Variants in PTPRG observed in about 807,000 individuals in gnomAD.
PTPRG encodes protein tyrosine phosphatase receptor type G, also known as receptor-type tyrosine-protein phosphatase gamma.
PTPRG carries 102 observed loss-of-function variants against 165.3 expected under a neutral mutation model. The observed-to-expected ratio is 0.62, with a 90% CI of 0.53 to 0.73. The LOEUF is 0.73. Among genes scored for constraint, PTPRG ranks in the 30% least tolerant of loss-of-function variants. The pLI is 0.00. For synonymous variants in PTPRG, 675 were observed against 669.5 expected (o/e 1.01, Z -0.13); for missense variants, 1,866 against 1,861.4 (o/e 1.00, Z -0.05).
intron 2 of PTPRG, among the ~76,000 whole-genome samples, chr3:61,877,454 G>T (rs2037774073): frequency 6.6e-6 from 1 of 152,132 alleles, no homozygotes; most frequent in South Asian, 2.1e-4. Flanking sequence ...CCACAAAGGT[G>T]CCTACATGTG....
At chr3:61,797,408 A>G (rs1470620462) in intron 2 of PTPRG, among the ~76,000 whole-genome samples, 5 of 152,108 alleles carry the variant, frequency 3.3e-5, no homozygotes, top group African/African-American at 1.2e-4. Flanking sequence ...TGGGAGCCGC[A>G]TTGGTCTTAG....
chr3:62,252,286 T>C lies in PTPRG; in HGVS notation c.2468-2838T>C, dbSNP rs1445003128. ...ACCATCTCCCTAATATCTGGCTGAA[T>C]ACTAGGTGCTCAGAAACGGCTTCAT... On this transcript the variant is annotated intron_variant, in intron 15 of 29. Transcript: ENST00000474889. This position sits in a 1 kb window ranked among gnomAD's most constrained non-coding sequence, Gnocchi z 4.6. 6.6e-6 allele frequency among the ~76,000 whole-genome samples: 1 copy of C among 152,222 alleles called. No individual in the cohort carries two copies. Among genetic ancestry groups the C allele is most frequent in the African/African-American group, 2.4e-5 (1 of 41,462 alleles).
chr3:61,889,325 G>T (rs111835819), intron 2 of PTPRG, among the ~76,000 whole-genome samples: 217 of 152,204 alleles, frequency 1.4e-3, no homozygotes, highest in African/African-American at 5.0e-3. Flanking sequence ...ATGTATTCTT[G>T]CCTTATTCGG....
chr3:61,630,795 T>C (rs1011469847), intron 1 of PTPRG, among the ~76,000 whole-genome samples: 1 of 152,094 alleles, frequency 6.6e-6, no homozygotes, highest in Non-Finnish European at 1.5e-5. Context: ...CGGTGGCTCA[T>C]GCCTGTAATC....
chr3:62,011,010 G>A (rs1243057976), intron 4 of PTPRG, among the ~76,000 whole-genome samples: 1 of 152,124 alleles, frequency 6.6e-6, no homozygotes, highest in Admixed American at 6.5e-5. Context: ...CAAAGAGAAG[G>A]ATCCTGAAAA....
At position 62,268,793 on chromosome 3, in the gene PTPRG, A is replaced by C. The variant is rs1242760993; in HGVS notation, c.2875-242A>C. On this transcript the variant is annotated intron_variant, in intron 19 of 29. Transcript: ENST00000474889. ...TAATGCAAAAATAAAAATGCATTAT[A>C]TATTGAAAGGTGACCATAAATACTA... 2.0e-5 allele frequency among the ~76,000 whole-genome samples: 3 copies of C among 152,180 alleles called. No homozygotes were observed. In the East Asian group the frequency reaches 5.8e-4, roughly 29 times the overall value.
chr3:61,668,365 A>T (rs1477053661), intron 1 of PTPRG, among the ~76,000 whole-genome samples: 2 of 152,154 alleles, frequency 1.3e-5, no homozygotes, highest in South Asian at 2.1e-4. Context: ...AAAATGGGAG[A>T]GTGTGTGAAC....
intron 1 of PTPRG, among the ~76,000 whole-genome samples, chr3:61,713,307 C>T (rs927385622): frequency 7.9e-5 from 12 of 151,078 alleles, no homozygotes; most frequent in African/African-American, 2.7e-4. Flanking sequence ...ATTACAGGCA[C>T]GTGAGACCAC....
At chr3:61,625,868 A>G (rs184065957) in intron 1 of PTPRG, among the ~76,000 whole-genome samples, 1 of 152,332 alleles carries the variant, frequency 6.6e-6, no homozygotes, top group East Asian at 1.9e-4. Context: ...AACTTACTCC[A>G]TTTAAACTTG....
At chr3:61,948,512 G>A (rs866120171) in intron 2 of PTPRG, among the ~76,000 whole-genome samples, 6 of 152,144 alleles carry the variant, frequency 3.9e-5, no homozygotes, top group Admixed American at 2.0e-4. Flanking sequence ...TCATGCTAGT[G>A]TTATGGGGGG....
chr3:62,016,368 A>G (rs780345546), intron 4 of PTPRG, among the ~76,000 whole-genome samples: 1 of 152,138 alleles, frequency 6.6e-6, no homozygotes, highest in East Asian at 1.9e-4. Context: ...GAGTTTCACT[A>G]TGTTGGCCAG....
intron 1 of PTPRG, among the ~76,000 whole-genome samples, chr3:61,578,447 C>T (rs1700215577): frequency 6.6e-6 from 1 of 152,206 alleles, no homozygotes; most frequent in Non-Finnish European, 1.5e-5. Context: ...GGCTTTAATA[C>T]AGCTGTGGAT....
At chr3:61,813,551 G>C (rs1207608156) in intron 2 of PTPRG, among the ~76,000 whole-genome samples, 30 of 117,800 alleles carry the variant, frequency 2.5e-4, no homozygotes, top group African/African-American at 7.2e-4. Flanking sequence ...ATCTGTGTGT[G>C]TGTGTGTGTG....
intron 26 of PTPRG, among the ~76,000 whole-genome samples, chr3:62,278,850 G>A (rs1020875918): frequency 3.9e-5 from 6 of 152,060 alleles, no homozygotes; most frequent in African/African-American, 1.4e-4. Flanking sequence ...ACTTAGGGTT[G>A]TTAAAACGTT....
At chr3:62,054,569 C>T (rs1700570606) in intron 4 of PTPRG, among the ~76,000 whole-genome samples, 1 of 152,136 alleles carries the variant, frequency 6.6e-6, no homozygotes, top group Non-Finnish European at 1.5e-5. Context: ...CTGACTTCAC[C>T]TGGTTGCCAG....
chr3:61,857,245 T>G (rs542335652), intron 2 of PTPRG, among the ~76,000 whole-genome samples: 118 of 152,314 alleles, frequency 7.7e-4, no homozygotes, highest in Non-Finnish European at 1.3e-3. Flanking sequence ...CAAGAGAGTT[T>G]CAATGACTTG....
chr3:61,724,283 A>G (rs2032169796), intron 1 of PTPRG, among the ~76,000 whole-genome samples: 1 of 151,386 alleles, frequency 6.6e-6, no homozygotes, highest in African/African-American at 2.4e-5. Context: ...TGACTTTCAT[A>G]GTGCCCCTGA....
At chr3:62,280,155 A>T (rs1340973068) in intron 26 of PTPRG, among the ~76,000 whole-genome samples, 2 of 152,074 alleles carry the variant, frequency 1.3e-5, no homozygotes, top group Admixed American at 1.3e-4. Context: ...GAAATATAAC[A>T]TTGACAGATT....
chr3:61,604,523 A>G (rs1700948713), intron 1 of PTPRG, among the ~76,000 whole-genome samples: 1 of 152,182 alleles, frequency 6.6e-6, no homozygotes, highest in Non-Finnish European at 1.5e-5. Flanking sequence ...CTTACTATGC[A>G]TCAGGTATTA....
Sources: allele counts gnomAD v4.1 joint callset (sites outside exome capture counted in the v4.1 genomes callset), GRCh38; gene constraint gnomAD v4.1.1; non-coding constraint Gnocchi (gnomAD v3.1); transcripts MANE v1.5; gene names NCBI Gene and HGNC (gene_info 2026-07-23, HGNC 2026-07-21).